The following PLCB1 variants were observed in gnomAD, a reference collection of about 807,000 sequenced individuals.
PLCB1 encodes the protein 1-phosphatidylinositol 4,5-bisphosphate phosphodiesterase beta-1.
A neutral mutation model predicts 161.8 loss-of-function variants in PLCB1; 46 were observed. The observed-to-expected ratio is 0.28, with a 90% CI of 0.22 to 0.36. The LOEUF is 0.36. PLCB1 is among the 10% of genes least tolerant of loss of function. The pLI is 1.00. For missense variants in PLCB1, 1,016 were observed against 1,472.5 expected, an observed-to-expected ratio of 0.69 and a Z score of 5.07; for synonymous variants, 517 against 503.7, an observed-to-expected ratio of 1.03 and a Z score of -0.35.
intron 2 of PLCB1, among the ~76,000 whole-genome samples, chr20:8,173,113 G>T (rs2051749268): frequency 6.6e-6 from 1 of 152,106 alleles, no homozygotes; most frequent in Non-Finnish European, 1.5e-5. Context: ...ACAACACAGG[G>T]TCACCAGGTT....
intron 25 of PLCB1, among the ~76,000 whole-genome samples, chr20:8,763,631 C>G (rs1441555209): frequency 6.6e-6 from 1 of 152,004 alleles, no homozygotes; most frequent in Non-Finnish European, 1.5e-5. Flanking sequence ...AGATATCCAC[C>G]CACCTTGGCC....
intron 3 of PLCB1, among the ~76,000 whole-genome samples, chr20:8,456,844 C>G (rs931230930): frequency 6.6e-6 from 1 of 152,258 alleles, no homozygotes. Context: ...AGAGAGCTCC[C>G]TGGGACCTCT....
chr20:8,850,490 C>T (rs6039302), intron 31 of PLCB1, among the ~76,000 whole-genome samples: 49,983 of 151,856 alleles, frequency 0.33, 9,023 homozygotes, highest in East Asian at 0.63. Context: ...TTCTAACATC[C>T]GAAAAAATAG....
chr20:8,706,508 G>A (rs530124972), intron 11 of PLCB1, among the ~76,000 whole-genome samples: 2 of 152,304 alleles, frequency 1.3e-5, no homozygotes, highest in African/African-American at 4.8e-5. Context: ...AAGGAGAGGA[G>A]GCGAGAATGG....
intron 31 of PLCB1, among the ~76,000 whole-genome samples, chr20:8,877,090 A>G (rs966756160): frequency 6.6e-6 from 1 of 152,162 alleles, no homozygotes; most frequent in Non-Finnish European, 1.5e-5. Flanking sequence ...TACCATTCCC[A>G]CCTAACACCT....
chr20:8,259,134 G>A (rs1297234157), intron 2 of PLCB1, among the ~76,000 whole-genome samples: 1 of 151,898 alleles, frequency 6.6e-6, no homozygotes, highest in Non-Finnish European at 1.5e-5. Context: ...ATATTTTATT[G>A]GATGGATACT....
intron 3 of PLCB1, among the ~76,000 whole-genome samples, chr20:8,468,105 A>G (rs1183937356): frequency 6.6e-6 from 1 of 152,202 alleles, no homozygotes; most frequent in East Asian, 1.9e-4. Flanking sequence ...AAATTCAAGA[A>G]CAAGCAAAAC....
intron 16 of PLCB1, 142 bp from the exon 17 acceptor site, chr20:8,727,167 A>C: frequency 1.8e-6 from 1 of 553,456 alleles, no homozygotes; most frequent in Non-Finnish European, 3.2e-6. Context: ...AGAAAAAAAA[A>C]TTAAATATTG....
chr20:8,523,779 GGAA>G (rs1007182357), intron 3 of PLCB1, among the ~76,000 whole-genome samples: 1 of 151,602 alleles, frequency 6.6e-6, no homozygotes, highest in Non-Finnish European at 1.5e-5. Flanking sequence ...GCATTGGGAG[GGAA>G]GAAGATGCTT....
intron 10 of PLCB1, among the ~76,000 whole-genome samples, chr20:8,695,877 TAAGTA>T (rs1990573968): frequency 1.3e-5 from 2 of 152,204 alleles, no homozygotes; most frequent in Admixed American, 1.3e-4. Flanking sequence ...TCCACTGACT[TAAGTA>T]AAATAGGAGC....
intron 3 of PLCB1, among the ~76,000 whole-genome samples, chr20:8,448,856 T>C (rs531107581): frequency 7.1e-4 from 108 of 152,280 alleles, no homozygotes; most frequent in African/African-American, 2.6e-3. Context: ...CAGATGGCTT[T>C]GAGGTAAGAA....
intron 2 of PLCB1, among the ~76,000 whole-genome samples, chr20:8,369,244 C>T (rs919392099): frequency 6.6e-6 from 1 of 152,128 alleles, no homozygotes; most frequent in East Asian, 1.9e-4. Flanking sequence ...TATGACTTCC[C>T]TCTTTCCTTC....
At position 8,436,063 on chromosome 20, in the gene PLCB1, G is replaced by A. The variant is rs760241743; in HGVS notation, c.246+64613G>A. Among the ~76,000 whole-genome samples, 4 of 152,084 alleles carry A rather than the reference G, an allele frequency of 2.6e-5. No individual in the cohort carries two copies. In the East Asian group the frequency reaches 7.7e-4, roughly 29 times the overall value. ...CATTAAGGATATTGAATATGACCAG[G>A]CACAGTGGCTCACGCCTGTAATCCC... On this transcript the variant is annotated intron_variant, in intron 3 of 31. Coordinates refer to ENST00000338037, the MANE Select transcript of PLCB1 (RefSeq NM_015192.4).
At chr20:8,314,109 C>T (rs1195734831) in intron 2 of PLCB1, among the ~76,000 whole-genome samples, 1 of 152,102 alleles carries the variant, frequency 6.6e-6, no homozygotes, top group Admixed American at 6.6e-5. Flanking sequence ...CCAACATTAT[C>T]TTCCTCTACA....
chr20:8,295,128 AAC>A (rs1983571435), intron 2 of PLCB1, among the ~76,000 whole-genome samples: 1 of 152,210 alleles, frequency 6.6e-6, no homozygotes, highest in Admixed American at 6.5e-5. Flanking sequence ...GACTACATTT[AAC>A]ACAGAATTTT....
intron 31 of PLCB1, among the ~76,000 whole-genome samples, chr20:8,821,542 TATATATATATATATA>T (rs1985413083): frequency 3.5e-5 from 3 of 85,302 alleles, no homozygotes; most frequent in African/African-American, 5.0e-5. Context: ...TATATATATA[TATATATATATATATA>T]TTTAAATGAC....
At chr20:8,649,295 T>G in intron 6 of PLCB1, 79 bp from the exon 7 acceptor site, 1 of 832,416 alleles carries the variant, frequency 1.2e-6, no homozygotes, top group South Asian at 1.5e-5. Flanking sequence ...GAATGGAATA[T>G]TTTGAGTTGG....
At chr20:8,807,965 A>G (rs111950388) in intron 31 of PLCB1, among the ~76,000 whole-genome samples, 16 of 152,330 alleles carry the variant, frequency 1.1e-4, no homozygotes, top group African/African-American at 3.6e-4. Context: ...AGCTGTTTAC[A>G]TGGGAGGAAA....
At chr20:8,178,263 G>A (rs12480467) in intron 2 of PLCB1, among the ~76,000 whole-genome samples, 28,122 of 152,094 alleles carry the variant, frequency 0.18, 2,780 homozygotes, top group Admixed American at 0.25. Flanking sequence ...TTGAGAAATA[G>A]CCAAACTGCT....
Sources: allele counts gnomAD v4.1 joint callset (sites outside exome capture counted in the v4.1 genomes callset), GRCh38; gene constraint gnomAD v4.1.1; transcripts MANE v1.5; gene names NCBI Gene and HGNC (gene_info 2026-07-23, HGNC 2026-07-21).